Variants in GK5 observed in about 807,000 individuals in gnomAD.
The protein encoded by GK5 is ATP:glycerol 3-phosphotransferase 5.
Under a neutral mutation model 77.3 loss-of-function variants are expected in GK5, and 39 were observed. The observed-to-expected ratio is 0.50, with a 90% confidence interval of 0.39 to 0.66. The LOEUF (loss-of-function observed/expected upper bound fraction) is 0.66. Ranked by LOEUF, GK5 falls within the 30% of genes least tolerant of loss-of-function variation. The pLI, the probability that GK5 is intolerant of heterozygous loss-of-function variation, is 0.00. For missense variants in GK5, 487 were observed against 633.8 expected (o/e 0.77, Z 2.49); for synonymous variants, 211 against 208.0 (o/e 1.01, Z -0.13).
chr3:142,184,784 C>A lies in GK5; in HGVS notation c.816+1145G>T, dbSNP rs550937100. On this transcript the variant is annotated intron_variant, in intron 9 of 15. Coordinates refer to ENST00000392993, the MANE Select transcript of GK5 (RefSeq NM_001039547.3). ...CCGAGAGGCGGAGGTCACAGTGAGC[C>A]ATCGGTGAGATCATGCCATTGCACT... The A allele has an allele frequency of 8.3e-6, 7 of 845,218 alleles. No individual in the cohort carries two copies. In the South Asian group the frequency reaches 3.2e-4, roughly 39 times the overall value. The allele number at this position is 845,218 out of a possible 1,614,324, so 52.4% of individuals were successfully genotyped here.
At position 142,209,177 on chromosome 3, in the gene GK5, G is replaced by A. The variant is rs146221745; in HGVS notation, c.317+4349C>T. Among the ~76,000 whole-genome samples the A allele has an allele frequency of 1.5e-3, 231 of 152,084 alleles. 3 individuals are homozygous for A. Among genetic ancestry groups the A allele is most frequent in the African/African-American group, 5.3e-3 (218 of 41,472 alleles). On this transcript the variant is annotated intron_variant, in intron 3 of 15. Coordinates refer to ENST00000392993, the MANE Select transcript of GK5 (RefSeq NM_001039547.3). ...AAAAAAAAAATGGATAAATAGAGGT[G>A]CCATGAGAGTATTTAACAGATGGCC...
Position 142,198,810 on chromosome 3 carries a change from A to T in GK5, c.535T>A (p.Leu179Met). The T allele has an allele frequency of 6.2e-7, 1 of 1,610,150 alleles. No individual in the cohort carries two copies. Among genetic ancestry groups the T allele is most frequent in the South Asian group, 1.1e-5 (1 of 90,050 alleles). ...ACACAGTATTTTCTTACCTCAGTCA[A>T]GTTCTGTAAAATCCAGACCAATCTC... ...SLRLVWILQNLTEVQKAVEEE... is the reference protein window; with the variant it reads ...SLRLVWILQNMTEVQKAVEEE... The change falls in exon 5 of 16, where the codon TTG becomes ATG. Residue 179 changes from leucine (L) to methionine (M), a missense_variant. Leu to Met is a conservative substitution (Grantham distance 15). Transcript: ENST00000392993.
Position 142,177,680 on chromosome 3 carries a change from T to A in GK5, c.1049-104A>T, listed in dbSNP as rs11925747. The A allele has an allele frequency of 0.11, 78,615 of 698,906 alleles. 4,916 individuals carry two copies. The highest frequency in any genetic ancestry group is 0.19 in the Middle Eastern group (731 of 3,872). 43.3% of individuals were successfully genotyped at this position (698,906 alleles called of 1,614,324 possible). A position where few individuals can be genotyped will look rare whatever the true frequency, so the allele number is the denominator to read the frequency against. ...TGATAGTATTTACCTGCATCAACATTTATTATGAATATAATGTAAAAGATT... is the reference window on the plus strand; with the variant it reads ...TGATAGTATTTACCTGCATCAACATATATTATGAATATAATGTAAAAGATT... On this transcript the variant is annotated intron_variant, in intron 11 of 15. Transcript: ENST00000392993.
At chr3:142,194,451 G>A (rs924381499) in intron 5 of GK5, among the ~76,000 whole-genome samples, 9 of 151,950 alleles carry the variant, frequency 5.9e-5, no homozygotes, top group Non-Finnish European at 1.2e-4. Context: ...ACTTGAGCCT[G>A]GGACGCAGAG....
chr3:142,169,854 G>C (rs918887699), intron 15 of GK5, among the ~76,000 whole-genome samples: 2 of 151,822 alleles, frequency 1.3e-5, no homozygotes. Context: ...TGAACTTTTA[G>C]TCCAGAAAGG....
At chr3:142,197,181 C>T (rs372795108) in intron 5 of GK5, among the ~76,000 whole-genome samples, 3 of 151,258 alleles carry the variant, frequency 2.0e-5, no homozygotes, top group East Asian at 3.9e-4. Flanking sequence ...AGTGAGACTC[C>T]GTCTCAAAAA....
chr3:142,213,764 TG>T (rs757050016), intron 2 of GK5, among the ~76,000 whole-genome samples, 163 bp from the exon 3 acceptor site: 4 of 152,316 alleles, frequency 2.6e-5, no homozygotes, highest in South Asian at 4.1e-4. Flanking sequence ...ATTACTAAGA[TG>T]ATTCTGCAGC....
At chr3:142,220,780 C>T (rs1277906065) in intron 1 of GK5, among the ~76,000 whole-genome samples, 3 of 152,004 alleles carry the variant, frequency 2.0e-5, no homozygotes, top group Admixed American at 6.5e-5. Context: ...GAGTGATGCC[C>T]GTAAGCAAAG....
intron 5 of GK5, among the ~76,000 whole-genome samples, chr3:142,192,307 T>C (rs2063863421): frequency 6.6e-6 from 1 of 152,172 alleles, no homozygotes; most frequent in Admixed American, 6.5e-5. Flanking sequence ...TGATAGTTCC[T>C]TACAAAACTA....
intron 3 of GK5, among the ~76,000 whole-genome samples, chr3:142,210,170 A>C (rs556815181): frequency 3.0e-4 from 45 of 152,194 alleles, no homozygotes; most frequent in Non-Finnish European, 5.7e-4. Context: ...AAAAACAAAA[A>C]GAAAGTTCAA....
chr3:142,206,285 G>A (rs574084294), intron 3 of GK5, among the ~76,000 whole-genome samples: 3 of 152,294 alleles, frequency 2.0e-5, no homozygotes, highest in East Asian at 3.9e-4. Flanking sequence ...CCTAGAAGTG[G>A]AACTGCTGGG....
chr3:142,207,296 C>T (rs909881745), intron 3 of GK5, among the ~76,000 whole-genome samples: 2 of 152,144 alleles, frequency 1.3e-5, no homozygotes, highest in African/African-American at 2.4e-5. Context: ...CTCTTCTAGG[C>T]CTCTTTAGGG....
At chr3:142,209,105 C>T (rs2107794188) in intron 3 of GK5, among the ~76,000 whole-genome samples, 1 of 151,692 alleles carries the variant, frequency 6.6e-6, no homozygotes, top group South Asian at 2.1e-4. Context: ...GCCGAGATAG[C>T]ACCACTGCAC....
intron 5 of GK5, among the ~76,000 whole-genome samples, chr3:142,194,253 C>T (rs577748767): frequency 9.9e-5 from 15 of 152,142 alleles, no homozygotes; most frequent in African/African-American, 1.9e-4. Flanking sequence ...GGGCCAGGCA[C>T]GGTGACTCAC....
chr3:142,171,525 T>C (rs1219420143), intron 13 of GK5, 47 bp from the exon 14 acceptor site: 2 of 1,210,594 alleles, frequency 1.7e-6, no homozygotes, highest in Non-Finnish European at 2.3e-6. Context: ...CATATCATAA[T>C]AATTCACTAC....
At position 142,187,685 on chromosome 3, in the gene GK5, T is replaced by C; in HGVS notation, c.619+19A>G. On this transcript the variant is annotated intron_variant, in intron 6 of 15. Transcript: ENST00000392993. ...TCAAATTTCGGTTATTTAAAATAGATCTTTCAGGTCATCTTTACCTTTTGT... is the reference window on the plus strand; with the variant it reads ...TCAAATTTCGGTTATTTAAAATAGACCTTTCAGGTCATCTTTACCTTTTGT... 1 of 1,546,944 alleles carries C rather than the reference T, an allele frequency of 6.5e-7. No individual in the cohort carries two copies. Among genetic ancestry groups the C allele is most frequent in the Non-Finnish European group, 8.9e-7 (1 of 1,124,678 alleles).
In GK5 at chr3:142,225,292, G is replaced by T; in HGVS notation, c.147+17C>A. On this transcript the variant is annotated intron_variant, in intron 1 of 15. Transcript: ENST00000392993. The stretch of plus-strand genomic sequence containing the variant: ...AAACCCAGTCAGACCCGCGCCCCAC[G>T]CCCGCCCCCAAGTCACCTTCTGCAC... 1 of 1,524,776 alleles carries T rather than the reference G, an allele frequency of 6.6e-7. No homozygotes were observed. 94.5% of individuals were successfully genotyped at this position (1,524,776 alleles called of 1,614,324 possible).
At position 142,201,167 on chromosome 3, in the gene GK5, C is replaced by A. The variant is rs1467451416; in HGVS notation, c.412-2234G>T. On this transcript the variant is annotated intron_variant, in intron 4 of 15. Transcript: ENST00000392993. ...TGAAAAATTACATTCACAGAAAATT[C>A]TATACAAAGAACGTTCATAAAAGCT... is the stretch of plus-strand genomic sequence containing the variant. Among the ~76,000 whole-genome samples, 12 of 152,102 alleles carry A rather than the reference C, an allele frequency of 7.9e-5. No homozygotes were observed. The South Asian group carries it at 1.7e-3, about 21-fold the overall frequency.
At chr3:142,220,143 A>G (rs897974955) in intron 1 of GK5, among the ~76,000 whole-genome samples, 2 of 152,118 alleles carry the variant, frequency 1.3e-5, no homozygotes, top group African/African-American at 2.4e-5. Flanking sequence ...GATTTTAACA[A>G]ATTTTTTTTT....
Sources: gnomAD v4.1 joint callset for allele counts (sites outside exome capture counted in the v4.1 genomes callset) on GRCh38, gnomAD v4.1.1 for gene constraint, MANE v1.5 for transcripts, NCBI Gene and HGNC (gene_info 2026-07-23, HGNC 2026-07-21) for gene names.